VAV2: variants seen among roughly 807,000 people sequenced by gnomAD.
VAV2 encodes guanine nucleotide exchange factor VAV2.
Under a neutral mutation model 132.5 loss-of-function variants are expected in VAV2, and 67 were observed. That is an observed-to-expected ratio of 0.51 (90% CI 0.42 to 0.62). The LOEUF (loss-of-function observed/expected upper bound fraction) is 0.62. Among genes scored for constraint, VAV2 ranks in the 20% least tolerant of loss-of-function variants. The probability of loss-of-function intolerance (pLI) is 0.00; values close to 1 mark genes in which losing one functional copy is unlikely to be tolerated. For synonymous variants in VAV2, 492 were observed against 443.5 expected, an observed-to-expected ratio of 1.11 and a Z score of -1.37; for missense variants, 938 against 1,153.6, an observed-to-expected ratio of 0.81 and a Z score of 2.71.
rs757813926 is a variant in VAV2 at position 133,791,878 on chromosome 9, C to G, written c.1102-9G>C. ...ATGTACATCGCCAAGTCCTTGAAAA[C>G]AAGAGGCAGAGGTGAGCGGGCTGTG... On this transcript the variant is annotated splice_polypyrimidine_tract_variant and intron_variant, in intron 12 of 29. Transcript: ENST00000371850. The G allele has an allele frequency of 5.1e-6, 8 of 1,572,008 alleles. No individual in the cohort carries two copies. The highest frequency in any genetic ancestry group is 1.8e-5 in the Admixed American group (1 of 55,774).
At chr9:133,800,891 T>C (rs999982555) in intron 9 of VAV2, among the ~76,000 whole-genome samples, 2 of 152,312 alleles carry the variant, frequency 1.3e-5, no homozygotes, top group African/African-American at 4.8e-5. Flanking sequence ...TTCCCTATCA[T>C]TGCCCCTTCT....
chr9:133,832,596 T>A (rs952595481), intron 4 of VAV2, among the ~76,000 whole-genome samples: 3 of 152,056 alleles, frequency 2.0e-5, no homozygotes, highest in Non-Finnish European at 2.9e-5. Context: ...TTCACTCTTG[T>A]CGCCCAGGCT....
intron 1 of VAV2, among the ~76,000 whole-genome samples, chr9:133,977,609 C>T (rs1842556446): frequency 6.6e-6 from 1 of 152,214 alleles, no homozygotes; most frequent in Admixed American, 6.5e-5. Flanking sequence ...GGTCCATCCC[C>T]ATCCACGACA....
intron 2 of VAV2, among the ~76,000 whole-genome samples, chr9:133,899,262 C>T (rs2519784): frequency 0.91 from 137,386 of 151,350 alleles, 63,458 homozygotes; most frequent in East Asian, 1. Flanking sequence ...CCATGGGGAG[C>T]TGGGACTCCT....
intron 2 of VAV2, among the ~76,000 whole-genome samples, chr9:133,915,584 G>GCACA (rs72509728): frequency 4.7e-4 from 71 of 150,132 alleles, no homozygotes; most frequent in South Asian, 1.0e-3. Context: ...CAAAGACAAG[G>GCACA]CGCACACACA....
chr9:133,772,754 C>T (rs1310176445), intron 25 of VAV2, among the ~76,000 whole-genome samples: 1 of 152,108 alleles, frequency 6.6e-6, no homozygotes, highest in Non-Finnish European at 1.5e-5. Context: ...CGGCGTTTAA[C>T]CAGGGAGACC....
chr9:133,806,238 G>A, intron 8 of VAV2, 57 bp from the exon 9 acceptor site: 1 of 1,542,278 alleles, frequency 6.5e-7, no homozygotes, highest in Non-Finnish European at 8.8e-7. Flanking sequence ...CTAGACGGGA[G>A]CGCCGCCCTT....
chr9:133,834,459 TC>T lies in VAV2; in HGVS notation c.381-120del. 9.8e-7 allele frequency: 1 copy of T among 1,018,906 alleles called. No individual in the cohort carries two copies. 63.1% of individuals were successfully genotyped at this position (1,018,906 alleles called of 1,614,324 possible). On this transcript the variant is annotated intron_variant, in intron 3 of 29. Coordinates refer to ENST00000371850, the MANE Select transcript of VAV2 (RefSeq NM_001134398.2). This position sits in a 1 kb window ranked among gnomAD's most constrained non-coding sequence, Gnocchi z 5.9. ...CCAGCCAGGAGCAAAGGGGCTCTTG[TC>T]CACTCTCTGGAAGGACACAGGGTGC...
At chr9:133,939,516 G>A (rs1841056285) in intron 1 of VAV2, among the ~76,000 whole-genome samples, 1 of 152,166 alleles carries the variant, frequency 6.6e-6, no homozygotes, top group African/African-American at 2.4e-5. Context: ...AAACCCCCAA[G>A]GCCTGTGCAT....
rs534165024 is a variant in VAV2, at chr9:133,776,192, G to A, written c.1966-112C>T. On this transcript the variant is annotated intron_variant, in intron 23 of 29. Transcript: ENST00000371850. ...TGTCCCCACATTGGCTGCCCTGGAG[G>A]GGACTGTCTGTGGACTTAGCCCCAG... 2.0e-5 allele frequency: 29 copies of A among 1,415,012 alleles called. No individual in the cohort carries two copies. In the South Asian group the frequency reaches 2.3e-4, roughly 11 times the overall value. 87.7% of individuals were successfully genotyped at this position (1,415,012 alleles called of 1,614,324 possible). A position where few individuals can be genotyped will look rare whatever the true frequency, so the allele number is the denominator to read the frequency against.
chr9:133,781,491 T>TG (rs144081579), intron 19 of VAV2, among the ~76,000 whole-genome samples: 4,789 of 151,160 alleles, frequency 0.032, 276 homozygotes, highest in African/African-American at 0.11. Flanking sequence ...GGGTCAGGGG[T>TG]GGGGGGCAGC....
rs1840490772 is a variant in VAV2 at position 133,926,665 on chromosome 9, A to G, written c.321+12438T>C. Among the ~76,000 whole-genome samples the G allele has an allele frequency of 2.6e-5, 4 of 152,090 alleles. No homozygotes were observed. The highest frequency in any genetic ancestry group is 1.3e-4 in the Admixed American group (2 of 15,264). On this transcript the variant is annotated intron_variant, in intron 2 of 29. Coordinates refer to ENST00000371850, the MANE Select transcript of VAV2 (RefSeq NM_001134398.2). The surrounding 1 kb of genome is among the most constrained non-coding windows in gnomAD (Gnocchi z 4.3). ...ACCTTCACCTGGTGAACTGCAGCTC[A>G]CATCTCGAACCCCAGCACCTCCTCC... is the stretch of plus-strand genomic sequence containing the variant.
At chr9:133,957,705 T>C (rs648353) in intron 1 of VAV2, among the ~76,000 whole-genome samples, 52,185 of 152,022 alleles carry the variant, frequency 0.34, 9,943 homozygotes, top group Non-Finnish European at 0.43. Context: ...ACACCCTGCC[T>C]GGGCCACTCC....
At chr9:133,893,047 C>T (rs987433059) in intron 2 of VAV2, among the ~76,000 whole-genome samples, 7 of 152,204 alleles carry the variant, frequency 4.6e-5, no homozygotes, top group Non-Finnish European at 7.3e-5. Context: ...CCCTTAGACA[C>T]GCAGTAAGGC....
Position 133,772,117 on chromosome 9 carries a change from C to A in VAV2, c.2136-71G>T, listed in dbSNP as rs991148385. 60 of 1,371,352 alleles carry A rather than the reference C, an allele frequency of 4.4e-5. 1 individual carries two copies. The highest frequency in any genetic ancestry group is 3.7e-4 in the Middle Eastern group (2 of 5,472). 84.9% of individuals were successfully genotyped at this position (1,371,352 alleles called of 1,614,324 possible). On this transcript the variant is annotated intron_variant, in intron 25 of 29. Coordinates refer to ENST00000371850, the MANE Select transcript of VAV2 (RefSeq NM_001134398.2). Reference sequence around the variant, plus strand: ...GGCCCCGGCCCCCTTGGCAGCCAGGCTCATTCTGTGTTTGCTGCAGCAAAG... The same window carrying A: ...GGCCCCGGCCCCCTTGGCAGCCAGGATCATTCTGTGTTTGCTGCAGCAAAG...
Position 133,823,563 on chromosome 9 carries a change from C to T in VAV2, c.449+10709G>A, listed in dbSNP as rs1835874491. On this transcript the variant is annotated intron_variant, in intron 4 of 29. Coordinates refer to ENST00000371850, the MANE Select transcript of VAV2 (RefSeq NM_001134398.2). This position sits in a 1 kb window ranked among gnomAD's most constrained non-coding sequence, Gnocchi z 5.5. ...GGAAATAACGTCAAAAGGGAGAAGTCTTCCTCTTCCTGGAGTTCCAGAACA... is the reference window on the plus strand; with the variant it reads ...GGAAATAACGTCAAAAGGGAGAAGTTTTCCTCTTCCTGGAGTTCCAGAACA... Among the ~76,000 whole-genome samples the T allele has an allele frequency of 6.6e-6, 1 of 152,200 alleles. No homozygotes were observed. The highest frequency in any genetic ancestry group is 2.1e-4 in the South Asian group (1 of 4,830).
At chr9:133,881,554 A>T (rs1838497035) in intron 2 of VAV2, among the ~76,000 whole-genome samples, 2 of 152,166 alleles carry the variant, frequency 1.3e-5, no homozygotes, top group African/African-American at 4.8e-5. Flanking sequence ...CACAGTCCAC[A>T]GCTGGGAACA....
rs747438873 is a variant in VAV2, at chr9:133,768,448, G to A, written c.2583C>T (p.Asn861=). 2.2e-5 allele frequency: 36 copies of A among 1,612,996 alleles called. No individual in the cohort carries two copies. Among genetic ancestry groups the A allele is most frequent in the Middle Eastern group, 1.6e-4 (1 of 6,082 alleles). The change falls in exon 29 of 30, where the codon AAC becomes AAT. Residue 861 remains asparagine, a synonymous_variant. Coordinates refer to ENST00000371850, the MANE Select transcript of VAV2 (RefSeq NM_001134398.2). The surrounding 1 kb of genome is among the most constrained non-coding windows in gnomAD (Gnocchi z 5.3). ...GDQGWWKGET[N]GRIGWFPSTY... is the part of the protein sequence containing the mutation. ...TCAGGGTGGGGCCACTCACCCGTCCGTTGGTCTCGCCCTTCCACCAGCCCT... is the reference window on the plus strand; with the variant it reads ...TCAGGGTGGGGCCACTCACCCGTCCATTGGTCTCGCCCTTCCACCAGCCCT...
At chr9:133,808,762 G>A (rs1182435025) in intron 7 of VAV2, among the ~76,000 whole-genome samples, 2 of 152,242 alleles carry the variant, frequency 1.3e-5, no homozygotes, top group Non-Finnish European at 2.9e-5. Flanking sequence ...TTAGAGCAAT[G>A]TTCAGGAGCT....
Sources: allele counts gnomAD v4.1 joint callset (sites outside exome capture counted in the v4.1 genomes callset), GRCh38; gene constraint gnomAD v4.1.1; non-coding constraint Gnocchi (gnomAD v3.1); transcripts MANE v1.5; gene names NCBI Gene and HGNC (gene_info 2026-07-23, HGNC 2026-07-21).